The following MXI1 variants were observed in gnomAD, a reference collection of about 807,000 sequenced individuals.
MXI1 encodes the protein MAX interactor 1, dimerization protein, also known as max-interacting protein 1.
A neutral mutation model predicts 36.9 loss-of-function variants in MXI1; 18 were observed. The observed-to-expected ratio is 0.49, with a 90% CI of 0.34 to 0.72. The LOEUF is 0.72. Ranked by LOEUF, MXI1 falls within the 30% of genes least tolerant of loss-of-function variation. The probability of loss-of-function intolerance (pLI) is 0.01; values close to 1 mark genes in which losing one functional copy is unlikely to be tolerated. For synonymous variants in MXI1, 160 were observed against 146.7 expected (o/e 1.09, Z -0.65); for missense variants, 304 against 379.1 (o/e 0.80, Z 1.64).
Position 110,286,926 on chromosome 10 carries a change from T to TAATGAAAAACAGGACAAAACAA in MXI1, c.*1939_*1940insAATGAAAAACAGGACAAAACAA, listed in dbSNP as rs2134489789. 1 of 152,292 alleles carries TAATGAAAAACAGGACAAAACAA rather than the reference T, an allele frequency of 6.6e-6. No individual in the cohort carries two copies. Among genetic ancestry groups the TAATGAAAAACAGGACAAAACAA allele is most frequent in the East Asian group, 1.9e-4 (1 of 5,188 alleles). 9.4% of individuals were successfully genotyped at this position (152,292 alleles called of 1,614,324 possible). A position where few individuals can be genotyped will look rare whatever the true frequency, so the allele number is the denominator to read the frequency against. ...TGAAAAACAGGACAAAACAATTCCT[T>TAATGAAAAACAGGACAAAACAA]TTTGTGGCCCAGGTAAATTATTTCT... On this transcript the variant is annotated 3_prime_UTR_variant, in exon 6 of 6. Transcript: ENST00000332674.
At chr10:110,235,596 G>A (rs2134372142) in intron 2 of MXI1, among the ~76,000 whole-genome samples, 2 of 151,842 alleles carry the variant, frequency 1.3e-5, no homozygotes, top group East Asian at 3.9e-4. Flanking sequence ...GCTGAGGCAG[G>A]AGAATGGTGT....
intron 3 of MXI1, chr10:110,257,873 A>G (rs1230603262): frequency 6.8e-6 from 2 of 296,010 alleles, no homozygotes; most frequent in South Asian, 3.9e-5. Context: ...AAACAAACAA[A>G]CAAAAAACAA....
At chr10:110,218,764 T>G (rs1009492197) in intron 1 of MXI1, among the ~76,000 whole-genome samples, 1 of 152,128 alleles carries the variant, frequency 6.6e-6, no homozygotes, top group East Asian at 1.9e-4. Flanking sequence ...CCACACCCTG[T>G]CAGGCTTATT....
chr10:110,262,717 T>A (rs1307193231), intron 3 of MXI1, among the ~76,000 whole-genome samples: 2 of 152,130 alleles, frequency 1.3e-5, no homozygotes, highest in East Asian at 3.9e-4. Context: ...TAGAAGATCA[T>A]CTAGTAGAGT....
chr10:110,217,875 A>G (rs1854692355), intron 1 of MXI1, among the ~76,000 whole-genome samples: 1 of 152,198 alleles, frequency 6.6e-6, no homozygotes, highest in South Asian at 2.1e-4. Flanking sequence ...TTTCCAAAGG[A>G]GTGGTGATAA....
rs1857175994 is a variant in MXI1, at chr10:110,280,001, C to T, written c.640C>T (p.Leu214=). ...ATTTTTAAAGTGGCGACTGGAACAG[C>T]TGCAGGGTCCTCAGGAGATGGAACG... ...QRFLKWRLEQ[L]QGPQEMERIR... The change falls in exon 5 of 6, where the codon CTG becomes TTG. Residue 214 remains leucine (L), a synonymous_variant. Coordinates refer to ENST00000332674, the MANE Select transcript of MXI1 (RefSeq NM_130439.3). The T allele has an allele frequency of 6.2e-7, 1 of 1,613,348 alleles. No individual in the cohort carries two copies. Among genetic ancestry groups the T allele is most frequent in the Non-Finnish European group, 8.5e-7 (1 of 1,179,554 alleles).
chr10:110,241,995 T>C (rs932592240), intron 2 of MXI1, among the ~76,000 whole-genome samples: 4 of 144,956 alleles, frequency 2.8e-5, no homozygotes, highest in Admixed American at 7.3e-5. Context: ...TTTAGATTCA[T>C]GACTTTCTTT....
At chr10:110,216,861 T>A (rs774434366) in intron 1 of MXI1, among the ~76,000 whole-genome samples, 55 of 151,538 alleles carry the variant, frequency 3.6e-4, no homozygotes, top group Non-Finnish European at 7.1e-4. Flanking sequence ...AGATACAAGG[T>A]TTTGCTATAT....
rs114546380 is a variant in MXI1, at chr10:110,250,861, C to G, written c.437+6004C>G. Among the ~76,000 whole-genome samples the G allele has an allele frequency of 3.8e-3, 566 of 147,230 alleles. 7 individuals are homozygous for G. The highest frequency in any genetic ancestry group is 0.013 in the African/African-American group (531 of 39,990). On this transcript the variant is annotated intron_variant, in intron 3 of 5. Transcript: ENST00000332674. Reference sequence around the variant, plus strand: ...AAAAAAAAAAAAATAACAACTTTAACAGGACTCTGATGGTCAAGAACCTTA... The same window carrying G: ...AAAAAAAAAAAAATAACAACTTTAAGAGGACTCTGATGGTCAAGAACCTTA...
intron 2 of MXI1, among the ~76,000 whole-genome samples, chr10:110,228,582 T>G (rs1564709586): frequency 1.3e-5 from 2 of 152,192 alleles, no homozygotes; most frequent in Non-Finnish European, 2.9e-5. Context: ...TGGCAGCATG[T>G]GTCCATGCAT....
At chr10:110,277,626 T>C (rs1438232933) in intron 3 of MXI1, among the ~76,000 whole-genome samples, 3 of 152,232 alleles carry the variant, frequency 2.0e-5, no homozygotes, top group South Asian at 2.1e-4. Flanking sequence ...TCCATTGATA[T>C]ACCTTTGATT....
At chr10:110,270,439 AT>A (rs5787841) in intron 3 of MXI1, among the ~76,000 whole-genome samples, 9,101 of 143,890 alleles carry the variant, frequency 0.063, 524 homozygotes, top group East Asian at 0.23. Context: ...AGATTTAATT[AT>A]TTTTTTTTTT....
chr10:110,266,900 AGATTGATAGGG>A (rs2134442594), intron 3 of MXI1, among the ~76,000 whole-genome samples: 1 of 152,324 alleles, frequency 6.6e-6, no homozygotes, highest in East Asian at 1.9e-4. Context: ...CTAAAAACTA[AGATTGATAGGG>A]GATTTTATGC....
chr10:110,284,846 A>G lies in MXI1; in HGVS notation c.747A>G (p.Glu249=), dbSNP rs774742116. The stretch of plus-strand genomic sequence containing the variant: ...CAGAGGAGATTGAAGTGGATGTTGA[A>G]AGCACAGAGTTCTCCCATGGAGAAG... ...SEREEIEVDV[E]STEFSHGEVD... is the part of the protein sequence containing the mutation. Residue 249 remains glutamate, a synonymous_variant, in exon 6 of 6, where the codon GAA becomes GAG. Coordinates refer to ENST00000332674, the MANE Select transcript of MXI1 (RefSeq NM_130439.3). 1 of 1,607,052 alleles carries G rather than the reference A, an allele frequency of 6.2e-7. No individual in the cohort carries two copies. Among genetic ancestry groups the G allele is most frequent in the South Asian group, 1.1e-5 (1 of 89,562 alleles).
At chr10:110,257,165 C>CA (rs968218961) in intron 3 of MXI1, 1 of 152,086 alleles carries the variant, frequency 6.6e-6, no homozygotes, top group Non-Finnish European at 1.5e-5. Context: ...TGCGATTCTA[C>CA]AAAAAAGATG....
intron 2 of MXI1, among the ~76,000 whole-genome samples, chr10:110,240,662 T>C (rs900946163): frequency 4.6e-5 from 7 of 152,074 alleles, no homozygotes; most frequent in Non-Finnish European, 8.8e-5. Context: ...CCTTGAAAGA[T>C]ACCTGCTCTA....
intron 2 of MXI1, among the ~76,000 whole-genome samples, chr10:110,240,463 T>C (rs1855631018): frequency 6.6e-6 from 1 of 152,122 alleles, no homozygotes; most frequent in South Asian, 2.1e-4. Flanking sequence ...ACATTTCTTA[T>C]GAGGCATTTT....
At position 110,207,861 on chromosome 10, in the gene MXI1, T is replaced by A. The variant is rs1590315055; in HGVS notation, c.53T>A (p.Leu18Gln). The A allele has an allele frequency of 4.2e-6, 5 of 1,196,610 alleles. No homozygotes were observed. In the East Asian group the frequency reaches 1.6e-4, roughly 39 times the overall value. The allele number at this position is 1,196,610 out of a possible 1,614,324, so 74.1% of individuals were successfully genotyped here. The stretch of plus-strand genomic sequence containing the variant: ...GAGGCGCGCTGCGAGGGCGCGGGGC[T>A]GGCCCCCGCCGCGCCCCCGGCTGTG... ...RKEARCEGAG[L>Q]APAAPPAVPP... The change falls in exon 1 of 6, where the codon CTG (leucine) becomes CAG (glutamine). Residue 18 changes from leucine to glutamine, a missense_variant. By Grantham distance (113) the Leu-to-Gln change is moderately radical (BLOSUM62 -2). Around this residue, in one of 2 missense-constraint regions of MXI1, gnomAD observed 179 missense variants for 184.8 expected, o/e 0.97. Coordinates refer to ENST00000332674, the MANE Select transcript of MXI1 (RefSeq NM_130439.3).
In MXI1 at chr10:110,237,405, A is replaced by G. The variant is rs986227384; in HGVS notation, c.408-7423A>G. Among the ~76,000 whole-genome samples, 6 of 152,178 alleles carry G rather than the reference A, an allele frequency of 3.9e-5. 1 individual carries two copies. The highest frequency in any genetic ancestry group is 4.1e-4 in the South Asian group (2 of 4,834). ...AGAGTTTTTATCATGAATGGATGGT[A>G]AATTTTATTTAAATGCTTTTTCTAC... On this transcript the variant is annotated intron_variant, in intron 2 of 5. Transcript: ENST00000332674.
Sources: gnomAD v4.1 joint callset for allele counts (sites outside exome capture counted in the v4.1 genomes callset) on GRCh38, gnomAD v4.1.1 for gene constraint, gnomAD v4.1.1 regional missense constraint, MANE v1.5 for transcripts, NCBI Gene and HGNC (gene_info 2026-07-23, HGNC 2026-07-21) for gene names.